The following FRMD6 variants were observed in gnomAD, a reference collection of about 807,000 sequenced individuals.
FRMD6 encodes the protein FERM domain-containing protein 6.
In FRMD6, 37 loss-of-function variants were observed where a neutral mutation model predicts 73.2. The ratio of observed to expected loss-of-function variants is 0.51; its 90% confidence interval spans 0.39 to 0.66. The LOEUF (loss-of-function observed/expected upper bound fraction) is 0.66. Among genes scored for constraint, FRMD6 ranks in the 30% least tolerant of loss-of-function variants. The pLI is 0.00. For missense variants in FRMD6, 714 were observed against 780.5 expected, an observed-to-expected ratio of 0.91 and a Z score of 1.02; for synonymous variants, 273 against 282.2, an observed-to-expected ratio of 0.97 and a Z score of 0.33.
intron 2 of FRMD6, among the ~76,000 whole-genome samples, chr14:51,621,178 C>T (rs1890912468): frequency 6.6e-6 from 1 of 151,886 alleles, no homozygotes; most frequent in Non-Finnish European, 1.5e-5. Context: ...CTTGACATTG[C>T]ATGTGACTTT....
intron 2 of FRMD6, among the ~76,000 whole-genome samples, chr14:51,618,052 T>C (rs950489940): frequency 6.6e-6 from 1 of 152,178 alleles, no homozygotes; most frequent in Non-Finnish European, 1.5e-5. Flanking sequence ...AGGCATTATA[T>C]ATATGGAATT....
chr14:51,730,584 AAAT>A lies in FRMD6; in HGVS notation c.*2559_*2561del, dbSNP rs1898205352. On this transcript the variant is annotated 3_prime_UTR_variant, in exon 14 of 14. Coordinates refer to ENST00000344768, the MANE Select transcript of FRMD6 (RefSeq NM_001267046.2). ...TGAGCTTTATATCTACATAAACTGT[AAAT>A]AATCCTTTCTGTGAAAGGATCATCA... is the stretch of plus-strand genomic sequence containing the variant. 6.6e-6 allele frequency: 1 copy of A among 152,650 alleles called. No individual in the cohort carries two copies. Among genetic ancestry groups the A allele is most frequent in the Non-Finnish European group, 1.5e-5 (1 of 68,046 alleles). 9.5% of individuals were successfully genotyped at this position (152,650 alleles called of 1,614,324 possible).
the FRMD6 span, among the ~76,000 whole-genome samples, chr14:51,444,149 G>A: frequency 1.3e-5 from 2 of 152,138 alleles, no homozygotes; most frequent in South Asian, 2.1e-4. Flanking sequence ...GGCTGGTCTC[G>A]AACTCCTGAC....
chr14:51,713,421 G>A (rs1318959469), intron 9 of FRMD6, among the ~76,000 whole-genome samples: 2 of 143,890 alleles, frequency 1.4e-5, no homozygotes, highest in African/African-American at 5.2e-5. Context: ...CCGCACCATT[G>A]CACTCCAGCC....
At chr14:51,413,254 C>T in the FRMD6 span, among the ~76,000 whole-genome samples, 2 of 152,132 alleles carry the variant, frequency 1.3e-5, no homozygotes, top group African/African-American at 4.8e-5. Flanking sequence ...TGGTTTGCTG[C>T]ACTCATCAAC....
At chr14:51,528,003 A>G (rs1391709792) in intron 1 of FRMD6, among the ~76,000 whole-genome samples, 1 of 152,136 alleles carries the variant, frequency 6.6e-6, no homozygotes, top group Non-Finnish European at 1.5e-5. Flanking sequence ...TTAGCTGAGC[A>G]TGGTGCCTCA....
chr14:51,514,963 G>T (rs1325010637), intron 1 of FRMD6, among the ~76,000 whole-genome samples: 1 of 152,190 alleles, frequency 6.6e-6, no homozygotes, highest in African/African-American at 2.4e-5. Flanking sequence ...TTTTAAACTT[G>T]TTTTCTCTTT....
intron 8 of FRMD6, among the ~76,000 whole-genome samples, chr14:51,711,990 G>A (rs12879815): frequency 7.9e-5 from 12 of 152,096 alleles, no homozygotes; most frequent in Non-Finnish European, 4.4e-5. Flanking sequence ...CTGACCAGAC[G>A]TTTTAATTTC....
the FRMD6 span, among the ~76,000 whole-genome samples, chr14:51,396,524 T>C: frequency 2.0e-5 from 3 of 152,174 alleles, no homozygotes; most frequent in Non-Finnish European, 4.4e-5. Context: ...GCCACGGAGC[T>C]GTACAGCCAC....
chr14:51,462,859 A>G, the FRMD6 span, among the ~76,000 whole-genome samples: 1 of 152,136 alleles, frequency 6.6e-6, no homozygotes, highest in Non-Finnish European at 1.5e-5. Flanking sequence ...GAAATGAACT[A>G]AAAACCCAGA....
At chr14:51,402,414 C>T in the FRMD6 span, among the ~76,000 whole-genome samples, 1 of 152,140 alleles carries the variant, frequency 6.6e-6, no homozygotes, top group Non-Finnish European at 1.5e-5. Context: ...CTTTCCCTTG[C>T]TGTTCTCATG....
intron 2 of FRMD6, among the ~76,000 whole-genome samples, chr14:51,582,535 C>A (rs184336850): frequency 2.0e-5 from 3 of 152,306 alleles, no homozygotes; most frequent in Non-Finnish European, 4.4e-5. Context: ...TACAAGCCTT[C>A]CCACTAGCCC....
intron 2 of FRMD6, among the ~76,000 whole-genome samples, chr14:51,578,694 GTAACA>G (rs1260903922): frequency 6.6e-6 from 1 of 152,226 alleles, no homozygotes; most frequent in African/African-American, 2.4e-5. Flanking sequence ...CATGATCTGT[GTAACA>G]TCCTGAATAA....
At chr14:51,691,617 C>G (rs1237678435) in intron 2 of FRMD6, among the ~76,000 whole-genome samples, 4 of 78,092 alleles carry the variant, frequency 5.1e-5, no homozygotes, top group African/African-American at 2.0e-4. Context: ...TTTTTTGAGT[C>G]AGAGTCTTTC....
chr14:51,487,162 T>C (rs1455146790), upstream of FRMD6, among the ~76,000 whole-genome samples: 1 of 152,194 alleles, frequency 6.6e-6, no homozygotes, highest in Non-Finnish European at 1.5e-5. Flanking sequence ...AGTGTCCCAG[T>C]ATTGTTTGTT....
At chr14:51,524,292 AAATAT>A (rs1230529925) in intron 1 of FRMD6, among the ~76,000 whole-genome samples, 1 of 152,118 alleles carries the variant, frequency 6.6e-6, no homozygotes, top group Admixed American at 6.5e-5. Flanking sequence ...AAAGATTTTA[AAATAT>A]AATATATATA....
At position 51,632,528 on chromosome 14, in the gene FRMD6, T is replaced by A. The variant is rs560943577; in HGVS notation, c.-146-57163T>A. Among the ~76,000 whole-genome samples the A allele has an allele frequency of 1.9e-4, 29 of 152,334 alleles. No individual in the cohort carries two copies. In the South Asian group the frequency reaches 3.3e-3, roughly 17 times the overall value. On this transcript the variant is annotated intron_variant, in intron 2 of 14. Transcript: ENST00000356218. ...AAAACTTAATCTCAGAAATCTTTTT[T>A]AAAACATTTTGGGGAAAGATGGCCC...
rs561455562 is a variant in FRMD6 at position 51,558,667 on chromosome 14, T to C, written c.-209-11681T>C. ...AAAATCTACTAAATATAATTTAATC[T>C]TTTTTCTTTTTACTTAGAGACCACC... On this transcript the variant is annotated intron_variant, in intron 1 of 14. Coordinates refer to the FRMD6 transcript ENST00000356218. Among the ~76,000 whole-genome samples, 9 of 152,290 alleles carry C rather than the reference T, an allele frequency of 5.9e-5. No homozygotes were observed. In the South Asian group the frequency reaches 1.9e-3, roughly 32 times the overall value.
At chr14:51,677,721 T>C (rs780763422) in intron 1 of FRMD6, among the ~76,000 whole-genome samples, 10 of 152,158 alleles carry the variant, frequency 6.6e-5, no homozygotes, top group Admixed American at 2.0e-4. Flanking sequence ...TTGGTTTTAA[T>C]GTCCGTGTAC....
Sources: gnomAD v4.1 joint callset for allele counts (sites outside exome capture counted in the v4.1 genomes callset) on GRCh38, gnomAD v4.1.1 for gene constraint, MANE v1.5 for transcripts, NCBI Gene and HGNC (gene_info 2026-07-23, HGNC 2026-07-21) for gene names.